HVCN1: variants seen among roughly 807,000 people sequenced by gnomAD.
HVCN1 encodes voltage-gated hydrogen channel 1.
HVCN1 carries 14 observed loss-of-function variants against 29.2 expected under a neutral mutation model. That is an observed-to-expected ratio of 0.48 (90% confidence interval 0.32 to 0.75). The LOEUF (loss-of-function observed/expected upper bound fraction) is 0.75. HVCN1 is among the 30% of genes least tolerant of loss of function. The probability of loss-of-function intolerance (pLI) is 0.04; values close to 1 mark genes in which losing one functional copy is unlikely to be tolerated. For synonymous variants in HVCN1, 131 were observed against 133.2 expected (o/e 0.98, Z 0.11); for missense variants, 263 against 341.8 (o/e 0.77, Z 1.82).
At position 110,653,118 on chromosome 12, in the gene HVCN1, C is replaced by T. The variant is rs535831252; in HGVS notation, c.412-1670G>A. On this transcript the variant is annotated intron_variant, in intron 5 of 7. Coordinates refer to ENST00000242607, the MANE Select transcript of HVCN1 (RefSeq NM_032369.4). The stretch of plus-strand genomic sequence containing the variant: ...CTACTGGCTGGGCTCTTCCAAGAGT[C>T]ATTGTCATGAAGGAAAAAGAAAAGC... Among the ~76,000 whole-genome samples the T allele has an allele frequency of 1.0e-3, 152 of 152,222 alleles. 1 individual carries two copies. Among genetic ancestry groups the T allele is most frequent in the African/African-American group, 3.6e-3 (148 of 41,526 alleles).
Position 110,655,331 on chromosome 12 carries a change from A to G in HVCN1, c.314T>C (p.Ile105Thr), listed in dbSNP as rs1273807510. 2 of 1,613,268 alleles carry G rather than the reference A, an allele frequency of 1.2e-6. No homozygotes were observed. The highest frequency in any genetic ancestry group is 1.7e-5 in the Admixed American group (1 of 59,976). ...GGCATCCAGAACCACCAAGCAGATG[A>G]TGATGACCTGTGGGCCGAGGGAAGG... is the stretch of plus-strand genomic sequence containing the variant. ...LFSSHRFQVI[I>T]ICLVVLDALL... Residue 105 changes from isoleucine to threonine, a missense_variant, in exon 5 of 8, where the codon ATC (isoleucine) becomes ACC (threonine). By Grantham distance (89) the Ile-to-Thr change is moderately conservative. Coordinates refer to ENST00000242607, the MANE Select transcript of HVCN1 (RefSeq NM_032369.4).
chr12:110,655,367 C>A, intron 4 of HVCN1, 29 bp from the exon 5 acceptor site: 2 of 1,546,470 alleles, frequency 1.3e-6, no homozygotes, highest in South Asian at 1.1e-5. Flanking sequence ...TGCCAGAGAT[C>A]ATGAGACCCC....
At chr12:110,684,960 A>G (rs1225866735) in intron 2 of HVCN1, among the ~76,000 whole-genome samples, 1 of 152,176 alleles carries the variant, frequency 6.6e-6, no homozygotes, top group Non-Finnish European at 1.5e-5. Context: ...TTGTAAACAA[A>G]TGTGAACCCA....
At chr12:110,700,397 C>T (rs995344613) in intron 2 of HVCN1, among the ~76,000 whole-genome samples, 6 of 152,138 alleles carry the variant, frequency 3.9e-5, no homozygotes, top group Non-Finnish European at 8.8e-5. Context: ...GGGGCAGTGG[C>T]GTTTAAGCTG....
At chr12:110,703,207 C>CAAAA (rs758737358) in intron 1 of HVCN1, among the ~76,000 whole-genome samples, 1 of 98,758 alleles carries the variant, frequency 1.0e-5, no homozygotes, top group Non-Finnish European at 2.0e-5. Flanking sequence ...ATGTCTCTAC[C>CAAAA]AAAAAAAAAA....
In HVCN1 at chr12:110,699,053, G is replaced by A. The variant is rs113461782; in HGVS notation, c.-104+3256C>T. ...TGAGGCAGAAGAATCACGTGAACCC[G>A]GGAGGTGGAGGTTGCAGTGAGCTGA... is the stretch of plus-strand genomic sequence containing the variant. On this transcript the variant is annotated intron_variant, in intron 2 of 4. Coordinates refer to the HVCN1 transcript ENST00000546713. Among the ~76,000 whole-genome samples the A allele has an allele frequency of 5.4e-3, 816 of 152,316 alleles. 5 individuals carry two copies. Among genetic ancestry groups the A allele is most frequent in the South Asian group, 0.012 (56 of 4,828 alleles).
chr12:110,701,096 G>A (rs2069559494), intron 2 of HVCN1, among the ~76,000 whole-genome samples: 1 of 152,214 alleles, frequency 6.6e-6, no homozygotes, highest in Non-Finnish European at 1.5e-5. Context: ...GGCCGCATCT[G>A]GTCTCACTGA....
intron 2 of HVCN1, among the ~76,000 whole-genome samples, chr12:110,699,700 T>A (rs2069543873): frequency 6.6e-6 from 1 of 151,976 alleles, no homozygotes; most frequent in Admixed American, 6.6e-5. Context: ...CCGCTGCCCC[T>A]CCTCTCCTGG....
intron 2 of HVCN1, among the ~76,000 whole-genome samples, chr12:110,701,109 C>G (rs1300486905): frequency 6.6e-6 from 1 of 152,182 alleles, no homozygotes; most frequent in African/African-American, 2.4e-5. Flanking sequence ...CTCACTGAGG[C>G]CTTGTATCCA....
upstream of HVCN1, among the ~76,000 whole-genome samples, chr12:110,693,381 T>C (rs2069442863): frequency 1.3e-5 from 2 of 151,964 alleles, no homozygotes; most frequent in Admixed American, 6.6e-5. Flanking sequence ...CTGTCTCTAC[T>C]AAAAAATACA....
chr12:110,668,922 C>T (rs1005102280), intron 3 of HVCN1, among the ~76,000 whole-genome samples: 4 of 152,154 alleles, frequency 2.6e-5, no homozygotes, highest in African/African-American at 9.7e-5. Flanking sequence ...CCCTCCTCAG[C>T]TTCCTGTACC....
At chr12:110,655,705 G>GTTT (rs150136698) in intron 4 of HVCN1, among the ~76,000 whole-genome samples, 22 of 136,360 alleles carry the variant, frequency 1.6e-4, no homozygotes, top group African/African-American at 1.4e-4. Flanking sequence ...CAAATAATCA[G>GTTT]TTTTTTTTTT....
At chr12:110,704,386 C>T (rs1039942909) in intron 1 of HVCN1, among the ~76,000 whole-genome samples, 9 of 152,020 alleles carry the variant, frequency 5.9e-5, no homozygotes, top group South Asian at 2.1e-4. Flanking sequence ...TGGTGGCTCA[C>T]GCCTGTAATC....
chr12:110,649,618 A>G (rs1254162442), intron 7 of HVCN1, 143 bp from the exon 8 acceptor site: 3 of 680,440 alleles, frequency 4.4e-6, no homozygotes, highest in African/African-American at 1.8e-5. Context: ...TGCTGAGGAG[A>G]CTGCTACAAT....
chr12:110,655,409 G>T, intron 4 of HVCN1, 71 bp from the exon 5 acceptor site: 2 of 1,235,858 alleles, frequency 1.6e-6, no homozygotes, highest in Non-Finnish European at 2.4e-6. Context: ...ATCATTAAGA[G>T]CTGGCTTGGA....
chr12:110,667,259 C>T (rs111468736), intron 3 of HVCN1, among the ~76,000 whole-genome samples: 189 of 152,246 alleles, frequency 1.2e-3, no homozygotes, highest in African/African-American at 4.0e-3. Flanking sequence ...CTCAGCCTCC[C>T]GAGTAGCTTG....
upstream of HVCN1, among the ~76,000 whole-genome samples, chr12:110,694,749 G>A (rs1593551781): frequency 1.3e-5 from 2 of 152,316 alleles, no homozygotes; most frequent in South Asian, 2.1e-4. The surrounding 1 kb of genome is among the most constrained non-coding windows in gnomAD (Gnocchi z 4.6). Flanking sequence ...GCCACACGAC[G>A]GGATCTGCAC....
chr12:110,650,999 T>A (rs762388631), intron 6 of HVCN1, among the ~76,000 whole-genome samples: 1 of 152,044 alleles, frequency 6.6e-6, no homozygotes, highest in Non-Finnish European at 1.5e-5. Flanking sequence ...GCACCCAACC[T>A]GTTTCATTTT....
chr12:110,681,539 A>G (rs540135108), intron 3 of HVCN1, among the ~76,000 whole-genome samples: 1 of 152,216 alleles, frequency 6.6e-6, no homozygotes, highest in Non-Finnish European at 1.5e-5. Flanking sequence ...AAGGAAAAGC[A>G]TGAACAGTTC....
Sources: gnomAD v4.1 joint callset for allele counts (sites outside exome capture counted in the v4.1 genomes callset) on GRCh38, gnomAD v4.1.1 for gene constraint, Gnocchi (gnomAD v3.1) non-coding constraint, MANE v1.5 for transcripts, NCBI Gene and HGNC (gene_info 2026-07-23, HGNC 2026-07-21) for gene names.